The following BCHE variants were observed in gnomAD, a reference collection of about 807,000 sequenced individuals.
BCHE encodes the protein butyrylcholinesterase.
In BCHE, 48 loss-of-function variants were observed where a neutral mutation model predicts 51.3. The observed-to-expected ratio is 0.94, with a 90% confidence interval of 0.74 to 1.19. BCHE has a LOEUF of 1.19. Ranked by LOEUF, BCHE falls within the 50% of genes most tolerant of loss-of-function variation. The pLI, the probability that BCHE is intolerant of heterozygous loss-of-function variation, is 0.00. For missense variants in BCHE, 847 were observed against 708.2 expected (o/e 1.20, Z -2.23); for synonymous variants, 251 against 238.0 (o/e 1.05, Z -0.50).
At chr3:165,791,262 T>C (rs1475297439) in intron 2 of BCHE, among the ~76,000 whole-genome samples, 2 of 150,314 alleles carry the variant, frequency 1.3e-5, no homozygotes, top group Non-Finnish European at 3.0e-5. Flanking sequence ...ACCATGGCAC[T>C]GCAGACTGGG....
chr3:165,778,737 CT>C, intron 3 of BCHE: 1 of 448,110 alleles, frequency 2.2e-6, no homozygotes, highest in Non-Finnish European at 4.5e-6. Context: ...AGCATATAGG[CT>C]CTGTAAATGT....
chr3:165,775,136 TG>T lies in BCHE; in HGVS notation c.1685-1631del, dbSNP rs1270161931. ...GAAATCTTTGAAATTAATTAAACTT[TG>T]TAAGATATTACTTTGGAGGAGAAAA... On this transcript the variant is annotated intron_variant, in intron 3 of 3. Transcript: ENST00000264381. Among the ~76,000 whole-genome samples the T allele has an allele frequency of 5.3e-5, 8 of 152,250 alleles. No homozygotes were observed. In the East Asian group the frequency reaches 1.5e-3, roughly 29 times the overall value.
At chr3:165,774,201 G>C (rs549564358) in intron 3 of BCHE, among the ~76,000 whole-genome samples, 13 of 152,214 alleles carry the variant, frequency 8.5e-5, no homozygotes, top group Non-Finnish European at 1.2e-4. Flanking sequence ...TTTTTGACTC[G>C]TGGTTGGTTA....
chr3:165,826,324 A>G (rs1166815442), intron 2 of BCHE, among the ~76,000 whole-genome samples: 1 of 152,134 alleles, frequency 6.6e-6, no homozygotes, highest in African/African-American at 2.4e-5. Flanking sequence ...ATAACAAATA[A>G]ACTACTTTAC....
At chr3:165,818,794 C>T (rs1714402417) in intron 2 of BCHE, among the ~76,000 whole-genome samples, 1 of 151,926 alleles carries the variant, frequency 6.6e-6, no homozygotes, top group African/African-American at 2.4e-5. Context: ...TTTGCATCTA[C>T]AATAAAATAC....
intron 3 of BCHE, among the ~76,000 whole-genome samples, chr3:165,785,228 C>A (rs148048125): frequency 1.7e-3 from 262 of 151,818 alleles, no homozygotes; most frequent in African/African-American, 6.1e-3. Context: ...AAATATACAG[C>A]CTGAAAATTA....
chr3:165,827,933 T>G (rs1189632270), intron 2 of BCHE: 3 of 410,494 alleles, frequency 7.3e-6, no homozygotes, highest in Non-Finnish European at 1.4e-5. Flanking sequence ...ATACTATCTT[T>G]TACCAGCTCT....
At chr3:165,794,041 C>T (rs1713271959) in intron 2 of BCHE, among the ~76,000 whole-genome samples, 1 of 150,548 alleles carries the variant, frequency 6.6e-6, no homozygotes, top group Non-Finnish European at 1.5e-5. Flanking sequence ...AGCGACACTC[C>T]ATCTCAAATA....
intron 2 of BCHE, among the ~76,000 whole-genome samples, chr3:165,809,153 T>A (rs1576855978): frequency 6.6e-6 from 1 of 152,198 alleles, no homozygotes; most frequent in Non-Finnish European, 1.5e-5. Flanking sequence ...TATTTGGTAT[T>A]TAGCTTATGG....
intron 2 of BCHE, among the ~76,000 whole-genome samples, chr3:165,791,739 G>A (rs1291527250): frequency 6.6e-6 from 1 of 152,090 alleles, no homozygotes; most frequent in East Asian, 1.9e-4. Flanking sequence ...GATCACTTGA[G>A]GTCAGGAGTG....
At chr3:165,825,947 A>G (rs981829850) in intron 2 of BCHE, among the ~76,000 whole-genome samples, 2 of 152,150 alleles carry the variant, frequency 1.3e-5, no homozygotes. Context: ...GCACAATGAG[A>G]TGTCATTACA....
At chr3:165,775,391 C>T (rs1368326771) in intron 3 of BCHE, among the ~76,000 whole-genome samples, 1 of 151,510 alleles carries the variant, frequency 6.6e-6, no homozygotes, top group Non-Finnish European at 1.5e-5. Context: ...AATAGAACTT[C>T]TATAAAGGGT....
intron 2 of BCHE, among the ~76,000 whole-genome samples, chr3:165,820,400 G>C (rs1184565837): frequency 6.6e-6 from 1 of 151,858 alleles, no homozygotes; most frequent in Non-Finnish European, 1.5e-5. Context: ...TAAAATTAAG[G>C]TAAGTTACAG....
intron 2 of BCHE, among the ~76,000 whole-genome samples, chr3:165,824,210 A>T (rs1187923851): frequency 6.6e-6 from 1 of 151,694 alleles, no homozygotes; most frequent in Non-Finnish European, 1.5e-5. Context: ...AATATATTAA[A>T]ATGACACTAT....
At chr3:165,789,754 T>A (rs1713097985) in intron 2 of BCHE, among the ~76,000 whole-genome samples, 1 of 152,090 alleles carries the variant, frequency 6.6e-6, no homozygotes, top group Admixed American at 6.6e-5. Context: ...TCCATGTCAC[T>A]TAAATGATAT....
At chr3:165,809,303 T>C (rs1303661187) in intron 2 of BCHE, among the ~76,000 whole-genome samples, 1 of 152,146 alleles carries the variant, frequency 6.6e-6, no homozygotes, top group Non-Finnish European at 1.5e-5. Flanking sequence ...TATAAAACCA[T>C]AGCTAAACCC....
intron 2 of BCHE, among the ~76,000 whole-genome samples, chr3:165,808,692 G>A (rs1463877790): frequency 6.6e-6 from 1 of 151,964 alleles, no homozygotes; most frequent in Non-Finnish European, 1.5e-5. Context: ...TGAGCTCTGG[G>A]TGGTTGAGGC....
At chr3:165,816,484 ATG>A (rs151002611) in intron 2 of BCHE, among the ~76,000 whole-genome samples, 8,018 of 151,944 alleles carry the variant, frequency 0.053, 277 homozygotes, top group Non-Finnish European at 0.079. Context: ...CTTTAGAGTA[ATG>A]CTCTTTGAAA....
intron 2 of BCHE, among the ~76,000 whole-genome samples, chr3:165,811,945 T>G (rs953135957): frequency 6.6e-6 from 1 of 151,994 alleles, no homozygotes; most frequent in Non-Finnish European, 1.5e-5. Context: ...CTATTTTTAC[T>G]CCTTTTGTTC....
Sources: gnomAD v4.1 joint callset for allele counts (sites outside exome capture counted in the v4.1 genomes callset) on GRCh38, gnomAD v4.1.1 for gene constraint, MANE v1.5 for transcripts, NCBI Gene and HGNC (gene_info 2026-07-23, HGNC 2026-07-21) for gene names.